The following MEI4 variants were observed in gnomAD, a reference collection of about 807,000 sequenced individuals.
MEI4 encodes meiosis-specific protein MEI4.
Under a neutral mutation model 31.4 loss-of-function variants are expected in MEI4, and 27 were observed. That is an observed-to-expected ratio of 0.86 (90% CI 0.63 to 1.19). The LOEUF (loss-of-function observed/expected upper bound fraction) is 1.19, where lower values mean the gene tolerates loss of function less well. Ranked by LOEUF, MEI4 falls within the 50% of genes most tolerant of loss-of-function variation. The pLI is 0.00. For synonymous variants in MEI4, 122 were observed against 145.4 expected (o/e 0.84, Z 1.16); for missense variants, 329 against 398.9 (o/e 0.82, Z 1.49).
intron 4 of MEI4, among the ~76,000 whole-genome samples, chr6:77,833,163 T>A (rs1770126144): frequency 6.6e-6 from 1 of 152,112 alleles, no homozygotes; most frequent in African/African-American, 2.4e-5. Context: ...GTAGCAGCAT[T>A]TTCTTACCAT....
intron 2 of MEI4, among the ~76,000 whole-genome samples, chr6:77,736,997 T>C (rs900354173): frequency 1.3e-5 from 2 of 152,122 alleles, no homozygotes; most frequent in African/African-American, 2.4e-5. Context: ...TGATGTAATA[T>C]GATAGTGGCA....
chr6:77,744,043 ACT>A (rs1767504800), intron 2 of MEI4, among the ~76,000 whole-genome samples: 1 of 152,120 alleles, frequency 6.6e-6, no homozygotes, highest in Admixed American at 6.5e-5. Context: ...AAAACTGGAA[ACT>A]CTAAAAAGCA....
intron 4 of MEI4, among the ~76,000 whole-genome samples, chr6:77,851,239 G>A (rs1471243388): frequency 2.0e-5 from 3 of 152,152 alleles, no homozygotes; most frequent in African/African-American, 7.2e-5. Context: ...ATTCCTCAGG[G>A]ATCTAGAACT....
At chr6:77,796,283 A>G (rs932218885) in intron 3 of MEI4, among the ~76,000 whole-genome samples, 1 of 152,184 alleles carries the variant, frequency 6.6e-6, no homozygotes, top group African/African-American at 2.4e-5. Context: ...AGTGGTGAAA[A>G]GTTGAAAAGT....
intron 3 of MEI4, among the ~76,000 whole-genome samples, chr6:77,762,727 A>G (rs753897841): frequency 4.6e-5 from 7 of 152,198 alleles, no homozygotes; most frequent in East Asian, 1.9e-4. Context: ...CTTCTCTATT[A>G]AGGTATGATT....
Position 77,923,469 on chromosome 6 carries a change from T to TTA in MEI4, c.*125_*126dup. The TTA allele has an allele frequency of 3.8e-6, 3 of 789,124 alleles. No homozygotes were observed. The highest frequency in any genetic ancestry group is 5.1e-6 in the Non-Finnish European group (3 of 586,578). 48.9% of individuals were successfully genotyped at this position (789,124 alleles called of 1,614,324 possible). A position where few individuals can be genotyped will look rare whatever the true frequency, so the allele number is the denominator to read the frequency against. ...TTTTAGAATTGATCTCTAAATATAA[T>TTA]TATCAATTCAACTTAATGGTTAGTC... On this transcript the variant is annotated 3_prime_UTR_variant, in exon 5 of 5. Transcript: ENST00000684080.
intron 4 of MEI4, among the ~76,000 whole-genome samples, chr6:77,849,832 A>G (rs1770573791): frequency 6.6e-6 from 1 of 152,150 alleles, no homozygotes; most frequent in Non-Finnish European, 1.5e-5. Flanking sequence ...TTTTGGTGGA[A>G]TTGCTACTTT....
chr6:77,864,343 A>G (rs1401664473), intron 4 of MEI4, among the ~76,000 whole-genome samples: 6 of 152,142 alleles, frequency 3.9e-5, no homozygotes, highest in Admixed American at 2.0e-4. Flanking sequence ...CCCATCTCAC[A>G]TACAGAGACA....
chr6:77,914,468 AT>A (rs34530433), intron 4 of MEI4, among the ~76,000 whole-genome samples: 13,943 of 151,326 alleles, frequency 0.092, 930 homozygotes, highest in East Asian at 0.31. Flanking sequence ...CTTAATACTA[AT>A]TTTTTTTTAG....
At chr6:77,801,161 A>C (rs984892786) in intron 3 of MEI4, among the ~76,000 whole-genome samples, 2 of 152,134 alleles carry the variant, frequency 1.3e-5, no homozygotes, top group Admixed American at 6.6e-5. Context: ...TTATTGCCTC[A>C]ATTTCAGAGC....
At chr6:77,737,760 T>C (rs918819865) in intron 2 of MEI4, among the ~76,000 whole-genome samples, 1 of 152,158 alleles carries the variant, frequency 6.6e-6, no homozygotes, top group Non-Finnish European at 1.5e-5. Context: ...ATAGGATCAA[T>C]ATCATCTGTC....
At chr6:77,798,149 TA>T (rs1769132273) in intron 3 of MEI4, among the ~76,000 whole-genome samples, 1 of 151,904 alleles carries the variant, frequency 6.6e-6, no homozygotes, top group African/African-American at 2.4e-5. Context: ...ATGCAACCAT[TA>T]AAATCTAACT....
intron 1 of MEI4, among the ~76,000 whole-genome samples, chr6:77,673,599 A>G (rs531148859): frequency 8.7e-4 from 132 of 152,308 alleles, no homozygotes; most frequent in Middle Eastern, 3.4e-3. Context: ...GGAAGATGAC[A>G]TAGCCCCTGA....
intron 3 of MEI4, among the ~76,000 whole-genome samples, chr6:77,762,789 A>G (rs899901203): frequency 6.6e-6 from 1 of 152,216 alleles, no homozygotes; most frequent in Non-Finnish European, 1.5e-5. Context: ...TGTGAAAGAT[A>G]TTGAATTTTC....
chr6:77,829,740 C>A (rs1770033862), intron 4 of MEI4, among the ~76,000 whole-genome samples: 1 of 152,086 alleles, frequency 6.6e-6, no homozygotes, highest in African/African-American at 2.4e-5. Context: ...ATTAAATATT[C>A]TTATCATTTC....
At chr6:77,803,746 C>T (rs1175710735) in intron 3 of MEI4, among the ~76,000 whole-genome samples, 8 of 152,200 alleles carry the variant, frequency 5.3e-5, no homozygotes, top group African/African-American at 1.9e-4. Context: ...ACTCCAGACC[C>T]TGTTTGCCTG....
intron 4 of MEI4, among the ~76,000 whole-genome samples, chr6:77,880,401 T>C (rs887428915): frequency 2.2e-4 from 33 of 151,976 alleles, no homozygotes; most frequent in Admixed American, 1.3e-3. Flanking sequence ...TGGCTAATTT[T>C]TTTGTATTTT....
chr6:77,766,399 C>T (rs1335226785), intron 3 of MEI4, among the ~76,000 whole-genome samples: 1 of 151,724 alleles, frequency 6.6e-6, no homozygotes, highest in African/African-American at 2.4e-5. Context: ...GATGATGGAT[C>T]ATGAAATCAG....
chr6:77,912,627 G>A (rs1766457691), intron 4 of MEI4, among the ~76,000 whole-genome samples: 1 of 151,916 alleles, frequency 6.6e-6, no homozygotes, highest in Admixed American at 6.6e-5. Flanking sequence ...GGTTATTAGT[G>A]TCTAGAAATT....
Sources: allele counts gnomAD v4.1 joint callset (sites outside exome capture counted in the v4.1 genomes callset), GRCh38; gene constraint gnomAD v4.1.1; transcripts MANE v1.5; gene names NCBI Gene and HGNC (gene_info 2026-07-23, HGNC 2026-07-21).